The following PHLDA3 variants were observed in gnomAD, a reference collection of about 807,000 sequenced individuals.
PHLDA3 encodes pleckstrin homology-like domain family A member 3.
Under a neutral mutation model 7.6 loss-of-function variants are expected in PHLDA3, and 12 were observed. The ratio of observed to expected loss-of-function variants is 1.58; its 90% CI spans 1.01 to 2.55. The LOEUF is 2.55. Ranked by LOEUF, PHLDA3 falls within the 30% of genes most tolerant of loss-of-function variation. The probability of loss-of-function intolerance (pLI) is 0.00; values close to 1 mark genes in which losing one functional copy is unlikely to be tolerated. For synonymous variants in PHLDA3, 104 were observed against 85.1 expected (o/e 1.22, Z -1.23); for missense variants, 177 against 175.6 (o/e 1.01, Z -0.05).
chr1:201,468,370 G>C lies in PHLDA3; in HGVS notation c.*33C>G. On this transcript the variant is annotated 3_prime_UTR_variant, in exon 1 of 2. Transcript: ENST00000367311. ...CTTGACCTCAGCACTGAGGTGGTGG[G>C]TAGCATGAAGGAAAGATGGTGCGCC... The C allele has an allele frequency of 1.9e-6, 3 of 1,612,852 alleles. No individual in the cohort carries two copies. The highest frequency in any genetic ancestry group is 2.5e-6 in the Non-Finnish European group (3 of 1,179,532).
rs933670774 is a variant in PHLDA3, at chr1:201,465,162, T to C, written c.*1079A>G. 1 of 152,192 alleles carries C rather than the reference T, an allele frequency of 6.6e-6. No individual in the cohort carries two copies. The highest frequency in any genetic ancestry group is 2.4e-5 in the African/African-American group (1 of 41,454). The allele number at this position is 152,192 out of a possible 1,614,324, so 9.4% of individuals were successfully genotyped here. A position where few individuals can be genotyped will look rare whatever the true frequency, so the allele number is the denominator to read the frequency against. ...TAACCCTCCAGGAGGGAGAACTTAC[T>C]GTGTAAATGTATAAAGCCTGAGAGT... On this transcript the variant is annotated 3_prime_UTR_variant, in exon 2 of 2. Transcript: ENST00000367311.
At chr1:201,466,516 A>T (rs1663669441) in intron 1 of PHLDA3, 1 of 152,214 alleles carries the variant, frequency 6.6e-6, no homozygotes, top group Non-Finnish European at 1.5e-5. Flanking sequence ...TGTTGAAGAC[A>T]TCTGCAGGCG....
chr1:201,468,627 T>G lies in PHLDA3; in HGVS notation c.160A>C (p.Ser54Arg). ...KGTGGRPKEL[S>R]FARIKAVECV... ...TCCACGGCCTTGATGCGGGCGAAGC[T>G]GAGCTCCTTGGGCCGGCCGCCCGTG... Residue 54 changes from serine to arginine, a missense_variant, in exon 1 of 2, where the codon AGC becomes CGC. By Grantham distance (110) the Ser-to-Arg change is moderately radical. Transcript: ENST00000367311. 1 of 1,613,490 alleles carries G rather than the reference T, an allele frequency of 6.2e-7. No homozygotes were observed.
At chr1:201,467,997 T>C (rs1344724835) in intron 1 of PHLDA3, among the ~76,000 whole-genome samples, 2 of 152,218 alleles carry the variant, frequency 1.3e-5, no homozygotes, top group African/African-American at 4.8e-5. Context: ...GCCCACAGCC[T>C]GGGGCAATGT....
Position 201,468,729 on chromosome 1 carries a change from C to A in PHLDA3, c.58G>T (p.Gly20Cys). 1.2e-6 allele frequency: 2 copies of A among 1,600,944 alleles called. No individual in the cohort carries two copies. Among genetic ancestry groups the A allele is most frequent in the South Asian group, 1.1e-5 (1 of 90,480 alleles). The change falls in exon 1 of 2, where the codon GGC becomes TGC. Residue 20 changes from glycine (G) to cysteine (C), a missense_variant. Coordinates refer to ENST00000367311, the MANE Select transcript of PHLDA3 (RefSeq NM_012396.5). ...LKEGVLEKRS[G>C]GLLQLWKRKR... ...CGCTTCCACAGCTGCAGCAGCCCGC[C>A]GCTGCGCTTCTCCAGCACGCCCTCC... is the stretch of plus-strand genomic sequence containing the variant.
Position 201,468,500 on chromosome 1 carries a change from G to A in PHLDA3, c.287C>T (p.Ala96Val), listed in dbSNP as rs2102394454. 1.9e-6 allele frequency: 3 copies of A among 1,614,174 alleles called. No individual in the cohort carries two copies. Among genetic ancestry groups the A allele is most frequent in the African/African-American group, 1.3e-5 (1 of 75,068 alleles). ...RCPLEDPGWN[A>V]QITLGLVKFK... is the part of the protein sequence containing the mutation. ...CTTGACCAGGCCTAGGGTGATCTGG[G>A]CGTTCCAGCCGGGATCTTCCAGGGG... Residue 96 changes from alanine (A) to valine (V), a missense_variant, in exon 1 of 2, where the codon GCC (alanine) becomes GTC (valine). Transcript: ENST00000367311.
Position 201,469,112 on chromosome 1 carries a change from T to C in PHLDA3, c.-326A>G. 3.6e-6 allele frequency: 1 copy of C among 281,532 alleles called. No homozygotes were observed. The highest frequency in any genetic ancestry group is 6.6e-6 in the Non-Finnish European group (1 of 152,574). 17.4% of individuals were successfully genotyped at this position (281,532 alleles called of 1,614,324 possible). A position where few individuals can be genotyped will look rare whatever the true frequency, so the allele number is the denominator to read the frequency against. On this transcript the variant is annotated 5_prime_UTR_variant, in exon 1 of 2. Coordinates refer to ENST00000367311, the MANE Select transcript of PHLDA3 (RefSeq NM_012396.5). The stretch of plus-strand genomic sequence containing the variant: ...CGTGAGCCCCACCGCCCGCCCGTTC[T>C]CTTGCTCCCCTGGGCTCTGTCTGCG...
Position 201,469,060 on chromosome 1 carries a change from G to T in PHLDA3, c.-274C>A. The T allele has an allele frequency of 2.7e-6, 1 of 366,820 alleles. No homozygotes were observed. The highest frequency in any genetic ancestry group is 4.8e-6 in the Non-Finnish European group (1 of 208,576). The allele number at this position is 366,820 out of a possible 1,614,324, so 22.7% of individuals were successfully genotyped here. On this transcript the variant is annotated 5_prime_UTR_variant, in exon 1 of 2. Coordinates refer to ENST00000367311, the MANE Select transcript of PHLDA3 (RefSeq NM_012396.5). ...AGCTGGCCCAGCCCGACCCGCCTCTGCCAGATGCCTCCGCGCCTCCCTAGG... is the reference window on the plus strand; with the variant it reads ...AGCTGGCCCAGCCCGACCCGCCTCTTCCAGATGCCTCCGCGCCTCCCTAGG...
rs765009228 is a variant in PHLDA3 at position 201,468,685 on chromosome 1, G to A, written c.102C>T (p.Thr34=). The part of the protein sequence containing the change: ...QLWKRKRCVL[T]ERGLQLFEAK... ...CCTCGAAGAGCTGCAGCCCGCGTTC[G>A]GTGAGGACGCAGCGCTTCCGCTTCC... Residue 34 remains threonine (T), a synonymous_variant, in exon 1 of 2, where the codon ACC becomes ACT. Transcript: ENST00000367311. 2 of 1,611,496 alleles carry A rather than the reference G, an allele frequency of 1.2e-6. No individual in the cohort carries two copies. The highest frequency in any genetic ancestry group is 1.7e-6 in the Non-Finnish European group (2 of 1,179,678).
chr1:201,466,399 C>A (rs1663667066), intron 1 of PHLDA3: 1 of 152,166 alleles, frequency 6.6e-6, no homozygotes, highest in Non-Finnish European at 1.5e-5. Flanking sequence ...CTGCCTTATA[C>A]CCCACTTCTC....
In PHLDA3 at chr1:201,469,003, T is replaced by C; in HGVS notation, c.-217A>G. On this transcript the variant is annotated 5_prime_UTR_variant, in exon 1 of 2. Transcript: ENST00000367311. ...GCGCGCTCCGCGCCCACCGCCCCGC[T>C]TCAGCCGGCACCCGCTCCTCCGCTC... The C allele has an allele frequency of 4.4e-6, 2 of 450,776 alleles. No individual in the cohort carries two copies. Among genetic ancestry groups the C allele is most frequent in the Non-Finnish European group, 7.3e-6 (2 of 272,606 alleles). The allele number at this position is 450,776 out of a possible 1,614,324, so 27.9% of individuals were successfully genotyped here.
intron 1 of PHLDA3, among the ~76,000 whole-genome samples, chr1:201,468,025 T>C (rs541989664): frequency 5.3e-5 from 8 of 152,334 alleles, no homozygotes; most frequent in African/African-American, 1.7e-4. Flanking sequence ...AACCTCCCTC[T>C]ACTTCCTTCC....
Position 201,469,114 on chromosome 1 carries a change from T to G in PHLDA3, c.-328A>C, listed in dbSNP as rs895919678. ...TGAGCCCCACCGCCCGCCCGTTCTC[T>G]TGCTCCCCTGGGCTCTGTCTGCGCG... is the stretch of plus-strand genomic sequence containing the variant. On this transcript the variant is annotated 5_prime_UTR_variant, in exon 1 of 2. Transcript: ENST00000367311. 2.2e-5 allele frequency: 6 copies of G among 270,498 alleles called. No homozygotes were observed. Among genetic ancestry groups the G allele is most frequent in the Middle Eastern group, 1.1e-3 (1 of 932 alleles). 16.8% of individuals were successfully genotyped at this position (270,498 alleles called of 1,614,324 possible).
rs1350080946 is a variant in PHLDA3 at position 201,466,190 on chromosome 1, G to C, written c.*63-12C>G. The C allele has an allele frequency of 6.5e-6, 1 of 154,248 alleles. No homozygotes were observed. The highest frequency in any genetic ancestry group is 2.4e-5 in the African/African-American group (1 of 41,532). 9.6% of individuals were successfully genotyped at this position (154,248 alleles called of 1,614,324 possible). A position where few individuals can be genotyped will look rare whatever the true frequency, so the allele number is the denominator to read the frequency against. On this transcript the variant is annotated splice_polypyrimidine_tract_variant and intron_variant, in intron 1 of 1. Coordinates refer to ENST00000367311, the MANE Select transcript of PHLDA3 (RefSeq NM_012396.5). Reference sequence around the variant, plus strand: ...AGGGAACAACGAAGCTGGCAAGAAAGAACAGCAGTTAGAGCAGGGGCAACA... The same window carrying C: ...AGGGAACAACGAAGCTGGCAAGAAACAACAGCAGTTAGAGCAGGGGCAACA...
At position 201,468,393 on chromosome 1, in the gene PHLDA3, G is replaced by T. The variant is rs1663726637; in HGVS notation, c.*10C>A. 17 of 1,613,682 alleles carry T rather than the reference G, an allele frequency of 1.1e-5. No homozygotes were observed. Among genetic ancestry groups the T allele is most frequent in the Non-Finnish European group, 1.4e-5 (17 of 1,179,930 alleles). ...GGGTAGCATGAAGGAAAGATGGTGC[G>T]CCCGGTGGTTTAGGACACGAGGGTC... is the stretch of plus-strand genomic sequence containing the variant. On this transcript the variant is annotated 3_prime_UTR_variant, in exon 1 of 2. Transcript: ENST00000367311.
At position 201,469,016 on chromosome 1, in the gene PHLDA3, C is replaced by CGCTCCTCCGCTCTACCCCA. The variant is rs1663759046; in HGVS notation, c.-249_-231dup. 4.7e-6 allele frequency: 2 copies of CGCTCCTCCGCTCTACCCCA among 422,836 alleles called. No homozygotes were observed. Among genetic ancestry groups the CGCTCCTCCGCTCTACCCCA allele is most frequent in the African/African-American group, 4.2e-5 (2 of 47,520 alleles). The allele number at this position is 422,836 out of a possible 1,614,324, so 26.2% of individuals were successfully genotyped here. The stretch of plus-strand genomic sequence containing the variant: ...CCACCGCCCCGCTTCAGCCGGCACC[C>CGCTCCTCCGCTCTACCCCA]GCTCCTCCGCTCTACCCCAGCTGGC... On this transcript the variant is annotated 5_prime_UTR_variant, in exon 1 of 2. Transcript: ENST00000367311.
Position 201,469,141 on chromosome 1 carries a change from T to G in PHLDA3, c.-355A>C. The G allele has an allele frequency of 4.5e-6, 1 of 222,128 alleles. No individual in the cohort carries two copies. Among genetic ancestry groups the G allele is most frequent in the Non-Finnish European group, 8.7e-6 (1 of 114,298 alleles). 13.8% of individuals were successfully genotyped at this position (222,128 alleles called of 1,614,324 possible). ...GCTCCCCTGGGCTCTGTCTGCGCGC[T>G]GGGCGGCAGCTCGCGGGATGTGCCC... On this transcript the variant is annotated 5_prime_UTR_variant, in exon 1 of 2. Transcript: ENST00000367311.
In PHLDA3 at chr1:201,469,019, TC is replaced by T. The variant is rs1287420513; in HGVS notation, c.-234del. On this transcript the variant is annotated 5_prime_UTR_variant, in exon 1 of 2. Transcript: ENST00000367311. Reference sequence around the variant, plus strand: ...CCGCCCCGCTTCAGCCGGCACCCGCTCCTCCGCTCTACCCCAGCTGGCCCAG... The same window carrying T: ...CCGCCCCGCTTCAGCCGGCACCCGCTCTCCGCTCTACCCCAGCTGGCCCAG... 15 of 420,768 alleles carry T rather than the reference TC, an allele frequency of 3.6e-5. No individual in the cohort carries two copies. The highest frequency in any genetic ancestry group is 6.1e-5 in the Non-Finnish European group (15 of 247,722). 26.1% of individuals were successfully genotyped at this position (420,768 alleles called of 1,614,324 possible). A position where few individuals can be genotyped will look rare whatever the true frequency, so the allele number is the denominator to read the frequency against.
chr1:201,465,198 G>C lies in PHLDA3; in HGVS notation c.*1043C>G, dbSNP rs1663630923. 1.3e-5 allele frequency: 2 copies of C among 152,218 alleles called. No homozygotes were observed. The allele number at this position is 152,218 out of a possible 1,614,324, so 9.4% of individuals were successfully genotyped here. A position where few individuals can be genotyped will look rare whatever the true frequency, so the allele number is the denominator to read the frequency against. ...ATAAAGCCTGAGAGTATAAATGACA[G>C]GGAGACAAACTCTGCCCAGAAAGCT... On this transcript the variant is annotated 3_prime_UTR_variant, in exon 2 of 2. Coordinates refer to ENST00000367311, the MANE Select transcript of PHLDA3 (RefSeq NM_012396.5).
Sources: gnomAD v4.1 joint callset for allele counts (sites outside exome capture counted in the v4.1 genomes callset) on GRCh38, gnomAD v4.1.1 for gene constraint, MANE v1.5 for transcripts, NCBI Gene and HGNC (gene_info 2026-07-23, HGNC 2026-07-21) for gene names.